The following ARB2A variants were observed in gnomAD, a reference collection of about 807,000 sequenced individuals.
ARB2A encodes cotranscriptional regulator ARB2A.
the ARB2A span, among the ~76,000 whole-genome samples, chr5:93,945,754 C>A: frequency 6.6e-6 from 1 of 152,040 alleles, no homozygotes; most frequent in Non-Finnish European, 1.5e-5. Flanking sequence ...TTTCTCAGAA[C>A]TAAAGATCAT....
chr5:94,023,151 C>A, the ARB2A span, among the ~76,000 whole-genome samples: 1 of 152,306 alleles, frequency 6.6e-6, no homozygotes, highest in East Asian at 1.9e-4. Context: ...TTCACCCAAT[C>A]TGACAAAATT....
chr5:93,923,591 T>C, the ARB2A span, among the ~76,000 whole-genome samples: 1 of 152,158 alleles, frequency 6.6e-6, no homozygotes. Flanking sequence ...AGAGGCACTG[T>C]TTGAGCTCAG....
At chr5:93,973,861 C>T in the ARB2A span, among the ~76,000 whole-genome samples, 3 of 152,262 alleles carry the variant, frequency 2.0e-5, no homozygotes, top group South Asian at 2.1e-4. Context: ...GACAAGCAAT[C>T]GCTAAAGGAA....
chr5:94,078,640 AT>A, the ARB2A span, among the ~76,000 whole-genome samples: 1 of 152,164 alleles, frequency 6.6e-6, no homozygotes, highest in Non-Finnish European at 1.5e-5. Flanking sequence ...TTGCGTTTGG[AT>A]CAAAGTTTTG....
the ARB2A span, among the ~76,000 whole-genome samples, chr5:93,762,117 A>G: frequency 6.6e-6 from 1 of 152,214 alleles, no homozygotes; most frequent in Non-Finnish European, 1.5e-5. Context: ...CAGAGCAGAA[A>G]AACTGGAAAC....
chr5:93,972,016 C>T, the ARB2A span, among the ~76,000 whole-genome samples: 4 of 152,168 alleles, frequency 2.6e-5, no homozygotes, highest in Non-Finnish European at 5.9e-5. Context: ...TAATCTCTCG[C>T]CTCCCTGCCC....
the ARB2A span, among the ~76,000 whole-genome samples, chr5:93,660,860 C>T: frequency 3.0e-4 from 45 of 152,162 alleles, no homozygotes; most frequent in Admixed American, 9.8e-4. Flanking sequence ...TAAAACATGA[C>T]GACTGCCTTG....
the ARB2A span, chr5:93,805,933 T>C: frequency 9.1e-6 from 9 of 985,012 alleles, no homozygotes; most frequent in African/African-American, 5.2e-5. Context: ...GTGAAATATA[T>C]AGACTCTTCT....
At chr5:94,025,783 A>G in the ARB2A span, among the ~76,000 whole-genome samples, 65 of 152,346 alleles carry the variant, frequency 4.3e-4, 1 homozygote, top group Non-Finnish European at 3.8e-4. Flanking sequence ...GATTTTTCTC[A>G]GTCACTTTGC....
chr5:93,830,520 GGACTGTCCT>G, the ARB2A span, among the ~76,000 whole-genome samples: 1 of 151,430 alleles, frequency 6.6e-6, no homozygotes, highest in Non-Finnish European at 1.5e-5. Context: ...TGATCCTGTT[GGACTGTCCT>G]GAAACCAAGG....
At chr5:93,774,698 G>A in the ARB2A span, among the ~76,000 whole-genome samples, 6 of 152,146 alleles carry the variant, frequency 3.9e-5, no homozygotes, top group African/African-American at 7.2e-5. Flanking sequence ...AGCACAAGAA[G>A]GCTGTGATAT....
At chr5:93,981,196 T>A in the ARB2A span, among the ~76,000 whole-genome samples, 1 of 151,904 alleles carries the variant, frequency 6.6e-6, no homozygotes, top group Non-Finnish European at 1.5e-5. Context: ...GCTCCCCAAG[T>A]AGCTGGGACT....
the ARB2A span, among the ~76,000 whole-genome samples, chr5:93,706,709 A>T: frequency 8.3e-4 from 126 of 152,252 alleles, no homozygotes; most frequent in Admixed American, 1.2e-3. Flanking sequence ...CTACTAAAAT[A>T]CAAAAAGTTA....
At chr5:94,010,691 CACTT>C in the ARB2A span, among the ~76,000 whole-genome samples, 6 of 152,064 alleles carry the variant, frequency 3.9e-5, no homozygotes, top group Non-Finnish European at 5.9e-5. Flanking sequence ...ACCTCAATCT[CACTT>C]TCTTTGAATT....
chr5:94,027,922 G>A, the ARB2A span, among the ~76,000 whole-genome samples: 1 of 152,062 alleles, frequency 6.6e-6, no homozygotes, highest in African/African-American at 2.4e-5. Flanking sequence ...GCTATCTCCA[G>A]GTAGATAGCA....
the ARB2A span, chr5:93,861,586 T>G: frequency 6.6e-6 from 1 of 152,198 alleles, no homozygotes; most frequent in Non-Finnish European, 1.5e-5. Context: ...GTTTAAGAAT[T>G]TATTGGTTGA....
chr5:94,025,499 T>A, the ARB2A span, among the ~76,000 whole-genome samples: 1 of 152,160 alleles, frequency 6.6e-6, no homozygotes, highest in South Asian at 2.1e-4. Context: ...GCATTGGAGG[T>A]TAAGGCTTCA....
At chr5:94,044,700 G>T in the ARB2A span, among the ~76,000 whole-genome samples, 1 of 152,042 alleles carries the variant, frequency 6.6e-6, no homozygotes, top group Non-Finnish European at 1.5e-5. Flanking sequence ...TGAAACAGGA[G>T]GTCGGCACAA....
At chr5:93,785,565 T>C in the ARB2A span, among the ~76,000 whole-genome samples, 1 of 152,126 alleles carries the variant, frequency 6.6e-6, no homozygotes, top group Non-Finnish European at 1.5e-5. Context: ...AGGATGCCTG[T>C]TGGCGTTCTG....
Sources: gnomAD v4.1 joint callset for allele counts (sites outside exome capture counted in the v4.1 genomes callset) on GRCh38, gnomAD v4.1.1 for gene constraint, MANE v1.5 for transcripts, NCBI Gene and HGNC (gene_info 2026-07-23, HGNC 2026-07-21) for gene names.